The following KHSRP variants were observed in gnomAD, a reference collection of about 807,000 sequenced individuals.
KHSRP encodes far upstream element-binding protein 2.
A neutral mutation model predicts 94.9 loss-of-function variants in KHSRP; 13 were observed. That is an observed-to-expected ratio of 0.14 (90% CI 0.09 to 0.22). The LOEUF is 0.22. Ranked by LOEUF, KHSRP falls within the 10% of genes least tolerant of loss-of-function variation. KHSRP has a pLI of 1.00. For missense variants in KHSRP, 710 were observed against 1,010.0 expected, an observed-to-expected ratio of 0.70 and a Z score of 4.03; for synonymous variants, 495 against 401.4, an observed-to-expected ratio of 1.23 and a Z score of -2.79.
rs1044263400 is a variant in KHSRP at position 6,418,825 on chromosome 19, G to A, written c.657C>T (p.Pro219=). ...TGGCGTTGTCGTGGAACTGTCCTGGGGGGCCCCCACGACCCCGAGACACAA... is the reference window on the plus strand; with the variant it reads ...TGGCGTTGTCGTGGAACTGTCCTGGAGGGCCCCCACGACCCCGAGACACAA... ...DDIVSRGRGG[P]PGQFHDNANG... Residue 219 remains proline (P), a synonymous_variant, in exon 8 of 19, where the codon CCC becomes CCT. Coordinates refer to ENST00000600480, the MANE Select transcript of KHSRP (RefSeq NM_001366299.1). The surrounding 1 kb of genome is among the most constrained non-coding windows in gnomAD (Gnocchi z 4.3). 1 of 1,569,976 alleles carries A rather than the reference G, an allele frequency of 6.4e-7. No homozygotes were observed. Among genetic ancestry groups the A allele is most frequent in the Non-Finnish European group, 8.6e-7 (1 of 1,162,962 alleles).
rs1320106461 is a variant in KHSRP, at chr19:6,418,300, A to T, written c.879+183T>A. ...AGGTCAGAGGTGAGGCCGGTGCCTC[A>T]CACACACAAAGCTGGGAGTCAGTTC... On this transcript the variant is annotated intron_variant, in intron 9 of 18. Transcript: ENST00000600480. This position sits in a 1 kb window ranked among gnomAD's most constrained non-coding sequence, Gnocchi z 4.3. Among the ~76,000 whole-genome samples, 1 of 152,098 alleles carries T rather than the reference A, an allele frequency of 6.6e-6. No homozygotes were observed. Among genetic ancestry groups the T allele is most frequent in the African/African-American group, 2.4e-5 (1 of 41,414 alleles).
chr19:6,419,982 C>G lies in KHSRP; in HGVS notation c.547+91G>C, dbSNP rs1444323098. ...CAACAAGCGCCAGCTCGCTTCCTGT[C>G]CACAGTCCCCGTGGAAATTAAGTAA... is the stretch of plus-strand genomic sequence containing the variant. On this transcript the variant is annotated intron_variant, in intron 6 of 18. Coordinates refer to ENST00000600480, the MANE Select transcript of KHSRP (RefSeq NM_001366299.1). 5 of 1,010,282 alleles carry G rather than the reference C, an allele frequency of 4.9e-6. No individual in the cohort carries two copies. The Admixed American group carries it at 1.0e-4, about 20-fold the overall frequency. The allele number at this position is 1,010,282 out of a possible 1,614,324, so 62.6% of individuals were successfully genotyped here.
Position 6,424,579 on chromosome 19 carries a change from G to T in KHSRP, c.123C>A (p.Gly41=). Residue 41 remains glycine (G), a synonymous_variant, in exon 1 of 19, where the codon GGC becomes GGA. Transcript: ENST00000600480. ...GGCCGCCGCCGCCGGGACCGCCGCCGCCCCGGTCCCCCGCGCCTGGCGGGC... is the reference window on the plus strand; with the variant it reads ...GGCCGCCGCCGCCGGGACCGCCGCCTCCCCGGTCCCCCGCGCCTGGCGGGC... The part of the protein sequence containing the change: ...PPGPPGAGDR[G]GGGPGGGGPG... The T allele has an allele frequency of 1.1e-6, 1 of 941,728 alleles. No homozygotes were observed. The highest frequency in any genetic ancestry group is 1.3e-6 in the Non-Finnish European group (1 of 798,706). 58.3% of individuals were successfully genotyped at this position (941,728 alleles called of 1,614,324 possible).
rs144745918 is a variant in KHSRP at position 6,421,107 on chromosome 19, AG to A, written c.425+170del. The A allele has an allele frequency of 4.1e-3, 2,625 of 643,490 alleles. 48 individuals carry two copies. Among genetic ancestry groups the A allele is most frequent in the African/African-American group, 0.04 (2,168 of 54,376 alleles). 39.9% of individuals were successfully genotyped at this position (643,490 alleles called of 1,614,324 possible). ...CACAGCCCTTCAGACAAGGGGTACGAGGAACGGACACAGCTCCTCTGCCTCA... is the reference window on the plus strand; with the variant it reads ...CACAGCCCTTCAGACAAGGGGTACGAGAACGGACACAGCTCCTCTGCCTCA... On this transcript the variant is annotated intron_variant, in intron 4 of 18. Transcript: ENST00000600480.
chr19:6,417,533 A>G (rs1442862599), intron 11 of KHSRP, among the ~76,000 whole-genome samples: 5 of 152,130 alleles, frequency 3.3e-5, no homozygotes, highest in African/African-American at 1.2e-4. Flanking sequence ...TAGGGATAGG[A>G]ACACACGTTC....
rs940408427 is a variant in KHSRP, at chr19:6,413,302, A to C, written c.*1722T>G. On this transcript the variant is annotated 3_prime_UTR_variant, in exon 19 of 19. Transcript: ENST00000600480. Reference sequence around the variant, plus strand: ...GAACAAACATCCGCTTCAAAACTACAGGGAGGGAAGGAAAGGGGGGGAGAC... The same window carrying C: ...GAACAAACATCCGCTTCAAAACTACCGGGAGGGAAGGAAAGGGGGGGAGAC... 4.0e-5 allele frequency: 10 copies of C among 248,710 alleles called. 1 individual carries two copies. Among genetic ancestry groups the C allele is most frequent in the South Asian group, 3.2e-4 (10 of 31,266 alleles). 15.4% of individuals were successfully genotyped at this position (248,710 alleles called of 1,614,324 possible). A position where few individuals can be genotyped will look rare whatever the true frequency, so the allele number is the denominator to read the frequency against.
chr19:6,424,247 G>A (rs1051938391), intron 1 of KHSRP: 31 of 154,540 alleles, frequency 2.0e-4, no homozygotes, highest in African/African-American at 7.5e-4. Context: ...CCCCCAGTGC[G>A]CCCCTACTCC....
In KHSRP at chr19:6,414,397, G is replaced by A; in HGVS notation, c.*627C>T. Reference sequence around the variant, plus strand: ...GGGCGGAGGCGCTAGGGTCGTAGGGGAGCTGCCCTGTCTCCGGAGGGCGGT... The same window carrying A: ...GGGCGGAGGCGCTAGGGTCGTAGGGAAGCTGCCCTGTCTCCGGAGGGCGGT... On this transcript the variant is annotated 3_prime_UTR_variant, in exon 19 of 19. Coordinates refer to ENST00000600480, the MANE Select transcript of KHSRP (RefSeq NM_001366299.1). 1.1e-5 allele frequency: 14 copies of A among 1,300,320 alleles called. No individual in the cohort carries two copies. Among genetic ancestry groups the A allele is most frequent in the Non-Finnish European group, 1.4e-5 (14 of 1,023,492 alleles). 80.5% of individuals were successfully genotyped at this position (1,300,320 alleles called of 1,614,324 possible). A position where few individuals can be genotyped will look rare whatever the true frequency, so the allele number is the denominator to read the frequency against.
At chr19:6,420,180 T>C in intron 5 of KHSRP, 36 bp from the exon 6 acceptor site, 1 of 1,578,536 alleles carries the variant, frequency 6.3e-7, no homozygotes, top group Non-Finnish European at 8.7e-7. Context: ...CAAAGCGTGA[T>C]GAGGGAAGGG....
At chr19:6,423,584 G>A (rs1042842812) in intron 1 of KHSRP, among the ~76,000 whole-genome samples, 9 of 152,176 alleles carry the variant, frequency 5.9e-5, no homozygotes, top group African/African-American at 2.2e-4. Flanking sequence ...ATGCACGCTA[G>A]AACCCACCCA....
intron 6 of KHSRP, 61 bp downstream of exon 6, chr19:6,420,012 A>C: frequency 7.8e-7 from 1 of 1,280,678 alleles, no homozygotes; most frequent in Non-Finnish European, 1.1e-6. Context: ...AAGTAATTAA[A>C]GGAAAGTGCA....
intron 7 of KHSRP, 116 bp downstream of exon 7, chr19:6,419,087 T>C (rs2860166): frequency 0.014 from 16,276 of 1,182,412 alleles, 178 homozygotes; most frequent in South Asian, 0.028. Context: ...TGTCTGGAGA[T>C]GGGGGCAAGA....
intron 11 of KHSRP, 48 bp from the exon 12 acceptor site, chr19:6,417,135 C>T: frequency 6.7e-7 from 1 of 1,488,042 alleles, no homozygotes; most frequent in Non-Finnish European, 9.1e-7. Context: ...AAAGAAGAGC[C>T]CACCCCAGAG....
In KHSRP at chr19:6,413,358, T is replaced by C. The variant is rs2092114025; in HGVS notation, c.*1666A>G. 1.3e-5 allele frequency: 5 copies of C among 388,262 alleles called. No individual in the cohort carries two copies. The highest frequency in any genetic ancestry group is 2.2e-5 in the African/African-American group (1 of 46,168). 24.1% of individuals were successfully genotyped at this position (388,262 alleles called of 1,614,324 possible). ...GCACCCGCAGACGGGGAGGTTTTGT[T>C]ATCATTTATTTGTGAAGTTAAAAAC... On this transcript the variant is annotated 3_prime_UTR_variant, in exon 19 of 19. Coordinates refer to ENST00000600480, the MANE Select transcript of KHSRP (RefSeq NM_001366299.1).
rs1194092725 is a variant in KHSRP at position 6,418,781 on chromosome 19, G to A, written c.701C>T (p.Thr234Ile). ...CGCGGGGATCATGATCTCCTGCACG[G>A]TGCCGTTCTGGCCCCCGTTGGCGTT... ...HDNANGGQNG[T>I]VQEIMIPAGK... Residue 234 changes from threonine to isoleucine, a missense_variant, in exon 8 of 19, where the codon ACC (threonine) becomes ATC (isoleucine). Coordinates refer to ENST00000600480, the MANE Select transcript of KHSRP (RefSeq NM_001366299.1). This position sits in a 1 kb window ranked among gnomAD's most constrained non-coding sequence, Gnocchi z 4.3. 6.2e-7 allele frequency: 1 copy of A among 1,606,894 alleles called. No individual in the cohort carries two copies. The highest frequency in any genetic ancestry group is 8.5e-7 in the Non-Finnish European group (1 of 1,177,832).
In KHSRP at chr19:6,416,340, T is replaced by C; in HGVS notation, c.1556A>G (p.Asn519Ser). The C allele has an allele frequency of 6.2e-7, 1 of 1,609,466 alleles. No individual in the cohort carries two copies. The highest frequency in any genetic ancestry group is 1.3e-5 in the African/African-American group (1 of 74,760). Residue 519 changes from asparagine (N) to serine (S), a missense_variant, in exon 15 of 19, where the codon AAT (asparagine) becomes AGT (serine). By Grantham distance (46) the Asn-to-Ser change is conservative. This residue lies in a region of KHSRP where 292 missense variants were observed against 340.5 expected (regional missense o/e 0.86). Transcript: ENST00000600480. ...TGGCCCCTGGTTGAAGGGCCCAGGA[T>C]TGAAGGGCCCCATTGGGCCAGCAGG... ...PGPAGPMGPF[N>S]PGPFNQGPPG...
rs993805313 is a variant in KHSRP at position 6,424,567 on chromosome 19, G to A, written c.135C>T (p.Pro45=). Residue 45 remains proline (P), a synonymous_variant, in exon 1 of 19, where the codon CCC becomes CCT. Transcript: ENST00000600480. ...ACCCCCCGCCCGGGCCGCCGCCGCCGGGACCGCCGCCGCCCCGGTCCCCCG... is the reference window on the plus strand; with the variant it reads ...ACCCCCCGCCCGGGCCGCCGCCGCCAGGACCGCCGCCGCCCCGGTCCCCCG... ...PGAGDRGGGG[P]GGGGPGGGSA... The A allele has an allele frequency of 6.3e-6, 6 of 952,908 alleles. No individual in the cohort carries two copies. The highest frequency in any genetic ancestry group is 1.8e-5 in the African/African-American group (1 of 54,418). 59.0% of individuals were successfully genotyped at this position (952,908 alleles called of 1,614,324 possible).
intron 12 of KHSRP, 41 bp downstream of exon 12, chr19:6,416,946 T>C (rs1435938995): frequency 1.2e-6 from 2 of 1,613,294 alleles, no homozygotes; most frequent in Non-Finnish European, 1.7e-6. Context: ...TGCACTCCCC[T>C]GGAGGCCCTG....
intron 6 of KHSRP, 147 bp downstream of exon 6, chr19:6,419,926 T>TA: frequency 9.1e-6 from 6 of 659,724 alleles, no homozygotes; most frequent in Non-Finnish European, 1.6e-5. Flanking sequence ...TGGAGTGAGA[T>TA]ACTGCACTGA....
Sources: gnomAD v4.1 joint callset for allele counts (sites outside exome capture counted in the v4.1 genomes callset) on GRCh38, gnomAD v4.1.1 for gene constraint, gnomAD v4.1.1 regional missense constraint, Gnocchi (gnomAD v3.1) non-coding constraint, MANE v1.5 for transcripts, NCBI Gene and HGNC (gene_info 2026-07-23, HGNC 2026-07-21) for gene names.